Variants in LHFPL2 observed in about 807,000 individuals in gnomAD.
LHFPL2 encodes the protein LHFPL tetraspan subfamily member 2 protein.
LHFPL2 carries 7 observed loss-of-function variants against 17.5 expected under a neutral mutation model. That is an observed-to-expected ratio of 0.40 (90% CI 0.23 to 0.75). The LOEUF is 0.75. Ranked by LOEUF, LHFPL2 falls within the 30% of genes least tolerant of loss-of-function variation. LHFPL2 has a pLI of 0.37. For synonymous variants in LHFPL2, 134 were observed against 116.2 expected, an observed-to-expected ratio of 1.15 and a Z score of -0.99; for missense variants, 241 against 294.8, an observed-to-expected ratio of 0.82 and a Z score of 1.34.
chr5:78,490,766 C>T (rs114258560), intron 4 of LHFPL2, among the ~76,000 whole-genome samples: 4,261 of 92,644 alleles, frequency 0.046, 244 homozygotes, highest in African/African-American at 0.16. Context: ...AAAAAAAAAG[C>T]AAGATACTGC....
intron 3 of LHFPL2, among the ~76,000 whole-genome samples, chr5:78,542,128 T>A (rs1756131455): frequency 1.3e-5 from 2 of 151,820 alleles, no homozygotes; most frequent in African/African-American, 4.8e-5. Context: ...TTTTTTTTTT[T>A]AATGTCATTA....
At chr5:78,526,720 T>C (rs1279906601) in intron 3 of LHFPL2, among the ~76,000 whole-genome samples, 2 of 152,184 alleles carry the variant, frequency 1.3e-5, no homozygotes, top group African/African-American at 4.8e-5. Context: ...GGCGAGTGAT[T>C]TTTTACCATG....
At chr5:78,609,484 AGCTT>A (rs977893070) in intron 2 of LHFPL2, among the ~76,000 whole-genome samples, 2 of 147,566 alleles carry the variant, frequency 1.4e-5, no homozygotes, top group Non-Finnish European at 3.0e-5. Context: ...AAAGAGAGAG[AGCTT>A]GCTTAAGTAA....
intron 3 of LHFPL2, among the ~76,000 whole-genome samples, chr5:78,525,745 CT>C (rs1755603443): frequency 6.6e-6 from 1 of 152,170 alleles, no homozygotes; most frequent in South Asian, 2.1e-4. Context: ...CTAAAAACTG[CT>C]TGAAGACACA....
chr5:78,492,027 T>C (rs1754463074), intron 4 of LHFPL2, among the ~76,000 whole-genome samples: 1 of 152,206 alleles, frequency 6.6e-6, no homozygotes, highest in African/African-American at 2.4e-5. Context: ...CCAATTAATC[T>C]TGTCTGCATC....
At position 78,566,137 on chromosome 5, in the gene LHFPL2, G is replaced by C. The variant is rs182791167; in HGVS notation, c.-244-1266C>G. Among the ~76,000 whole-genome samples the C allele has an allele frequency of 2.0e-3, 299 of 152,260 alleles. 2 individuals are homozygous for C. Among genetic ancestry groups the C allele is most frequent in the African/African-American group, 6.7e-3 (280 of 41,542 alleles). ...CAGCCTCAATTCCACTGATAAGCAA[G>C]AAAACAAGAAGTCCACATGCTTATT... On this transcript the variant is annotated intron_variant, in intron 2 of 4. Transcript: ENST00000380345.
intron 2 of LHFPL2, among the ~76,000 whole-genome samples, chr5:78,607,488 T>C (rs1277394944): frequency 6.6e-6 from 1 of 152,230 alleles, no homozygotes; most frequent in Non-Finnish European, 1.5e-5. Flanking sequence ...AAATAAGTTA[T>C]GATCTAATTA....
intron 1 of LHFPL2, chr5:78,644,409 A>G: frequency 1.3e-6 from 1 of 772,046 alleles, no homozygotes; most frequent in Non-Finnish European, 2.2e-6. Context: ...CTTCAGCTTC[A>G]CAGCCTTTTC....
intron 2 of LHFPL2, among the ~76,000 whole-genome samples, chr5:78,565,515 T>C (rs1363234344): frequency 1.3e-5 from 2 of 152,238 alleles, no homozygotes; most frequent in African/African-American, 4.8e-5. Flanking sequence ...AGCCTACTAA[T>C]ACATTCACAA....
At chr5:78,643,004 G>GCC (rs544989478) in intron 1 of LHFPL2, among the ~76,000 whole-genome samples, 15 of 151,952 alleles carry the variant, frequency 9.9e-5, no homozygotes, top group African/African-American at 3.6e-4. Flanking sequence ...CCACCTTATG[G>GCC]CCATGGAGCT....
At chr5:78,600,995 G>C (rs141264777) in intron 2 of LHFPL2, among the ~76,000 whole-genome samples, 1 of 152,124 alleles carries the variant, frequency 6.6e-6, no homozygotes, top group African/African-American at 2.4e-5. Flanking sequence ...AAAGAAAATC[G>C]GATTTAAATC....
chr5:78,503,971 T>C (rs924932165), intron 4 of LHFPL2, among the ~76,000 whole-genome samples: 6 of 152,210 alleles, frequency 3.9e-5, no homozygotes, highest in African/African-American at 1.4e-4. Context: ...TACAAGTGCC[T>C]AGGACTGAAA....
intron 2 of LHFPL2, among the ~76,000 whole-genome samples, chr5:78,574,288 C>A (rs2112430800): frequency 6.6e-6 from 1 of 152,322 alleles, no homozygotes; most frequent in African/African-American, 2.4e-5. Flanking sequence ...CCAGGCCCAG[C>A]CCTCCAGCAG....
chr5:78,609,450 CAAAAA>C (rs71613975), intron 2 of LHFPL2, among the ~76,000 whole-genome samples: 1 of 40,684 alleles, frequency 2.5e-5, no homozygotes, highest in African/African-American at 8.6e-5. Flanking sequence ...GACTCAGTCT[CAAAAA>C]AAAAAAAAAA....
At chr5:78,596,076 C>T (rs1228094022) in intron 2 of LHFPL2, among the ~76,000 whole-genome samples, 2 of 152,054 alleles carry the variant, frequency 1.3e-5, no homozygotes, top group East Asian at 3.9e-4. Context: ...AAAAGCAGCC[C>T]TCTCTGCAGC....
At chr5:78,618,331 T>G (rs1744693412) in intron 2 of LHFPL2, among the ~76,000 whole-genome samples, 1 of 152,230 alleles carries the variant, frequency 6.6e-6, no homozygotes. Context: ...GAAACAAGTT[T>G]TAATGGTGTC....
intron 2 of LHFPL2, among the ~76,000 whole-genome samples, chr5:78,612,241 T>C (rs760471298): frequency 1.3e-5 from 2 of 152,232 alleles, no homozygotes; most frequent in Non-Finnish European, 2.9e-5. Flanking sequence ...TTTAATCTAG[T>C]TGAAAATTTT....
chr5:78,532,345 C>G (rs970741317), intron 3 of LHFPL2, among the ~76,000 whole-genome samples: 2 of 152,180 alleles, frequency 1.3e-5, no homozygotes, highest in Non-Finnish European at 2.9e-5. Flanking sequence ...CAGACATGAG[C>G]CATTGCACCT....
chr5:78,575,986 G>A (rs1008809970), intron 2 of LHFPL2, among the ~76,000 whole-genome samples: 1 of 152,138 alleles, frequency 6.6e-6, no homozygotes, highest in South Asian at 2.1e-4. Context: ...GAGCCACTGT[G>A]CCCAGCCAAA....
Sources: allele counts gnomAD v4.1 joint callset (sites outside exome capture counted in the v4.1 genomes callset), GRCh38; gene constraint gnomAD v4.1.1; transcripts MANE v1.5; gene names NCBI Gene and HGNC (gene_info 2026-07-23, HGNC 2026-07-21).